The following CLEC16A variants were observed in gnomAD, a reference collection of about 807,000 sequenced individuals.
CLEC16A encodes the protein C-type lectin domain containing 16A, also known as protein CLEC16A.
Under a neutral mutation model 109.5 loss-of-function variants are expected in CLEC16A, and 51 were observed. The observed-to-expected ratio is 0.47, with a 90% CI of 0.37 to 0.59. The LOEUF (loss-of-function observed/expected upper bound fraction) is 0.59. Ranked by LOEUF, CLEC16A falls within the 20% of genes least tolerant of loss-of-function variation. The pLI is 0.00. For synonymous variants in CLEC16A, 673 were observed against 564.2 expected, an observed-to-expected ratio of 1.19 and a Z score of -2.73; for missense variants, 1,339 against 1,394.0, an observed-to-expected ratio of 0.96 and a Z score of 0.63.
At chr16:11,059,170 G>T (rs556773170) in intron 18 of CLEC16A, among the ~76,000 whole-genome samples, 1 of 152,258 alleles carries the variant, frequency 6.6e-6, no homozygotes, top group East Asian at 1.9e-4. Context: ...ACAATAAGGT[G>T]CCCACAGTTC....
chr16:11,106,405 C>T (rs920868535), intron 19 of CLEC16A, among the ~76,000 whole-genome samples: 10 of 151,348 alleles, frequency 6.6e-5, no homozygotes, highest in South Asian at 2.1e-4. Context: ...CTTCCCACTT[C>T]GGCCTCCGAA....
intron 16 of CLEC16A, among the ~76,000 whole-genome samples, chr16:11,045,839 G>C (rs554738771): frequency 6.6e-6 from 1 of 152,152 alleles, no homozygotes; most frequent in Non-Finnish European, 1.5e-5. Flanking sequence ...TGCAGGAATC[G>C]TTTTAAGCGA....
intron 20 of CLEC16A, among the ~76,000 whole-genome samples, chr16:11,122,311 A>C (rs1280970525): frequency 6.6e-6 from 1 of 152,220 alleles, no homozygotes; most frequent in Non-Finnish European, 1.5e-5. Context: ...TTTCATTTAA[A>C]AGAAACACTC....
intron 11 of CLEC16A, 54 bp downstream of exon 11, chr16:11,003,359 G>A (rs543078748): frequency 3.5e-5 from 52 of 1,478,146 alleles, no homozygotes; most frequent in African/African-American, 5.6e-5. Context: ...CAGCCCGCCA[G>A]CGAGGCTGCC....
chr16:10,977,422 C>G, intron 8 of CLEC16A, 23 bp downstream of exon 8: 2 of 1,604,218 alleles, frequency 1.2e-6, no homozygotes, highest in South Asian at 2.2e-5. Context: ...CCGTGGCTCC[C>G]GCTGGCTGAA....
At chr16:11,014,624 T>G (rs1184734998) in intron 11 of CLEC16A, among the ~76,000 whole-genome samples, 1 of 152,208 alleles carries the variant, frequency 6.6e-6, no homozygotes, top group Non-Finnish European at 1.5e-5. Context: ...AACTATTGCT[T>G]CAGTCCCTTC....
chr16:10,981,219 G>A (rs958115583), intron 9 of CLEC16A, among the ~76,000 whole-genome samples: 5 of 152,182 alleles, frequency 3.3e-5, no homozygotes, highest in African/African-American at 7.2e-5. Context: ...AGTTAAGGCC[G>A]CATTCATTCA....
chr16:11,143,867 T>G (rs576238700), intron 22 of CLEC16A, among the ~76,000 whole-genome samples: 2 of 152,292 alleles, frequency 1.3e-5, no homozygotes, highest in Admixed American at 6.5e-5. Flanking sequence ...GCACAGCTAG[T>G]GCACAGCAAA....
At chr16:10,947,899 C>CT (rs895339936) in intron 1 of CLEC16A, among the ~76,000 whole-genome samples, 74 of 142,196 alleles carry the variant, frequency 5.2e-4, no homozygotes, top group African/African-American at 8.7e-4. Flanking sequence ...AAACCCTCTT[C>CT]TTTTTTTTTT....
At chr16:10,978,483 G>T (rs1439638438) in intron 8 of CLEC16A, among the ~76,000 whole-genome samples, 1 of 152,186 alleles carries the variant, frequency 6.6e-6, no homozygotes, top group Non-Finnish European at 1.5e-5. Context: ...TGTTGGCCGG[G>T]CTGGTCTCAA....
At chr16:11,162,878 A>G (rs558369009) in intron 22 of CLEC16A, among the ~76,000 whole-genome samples, 2 of 152,094 alleles carry the variant, frequency 1.3e-5, no homozygotes, top group Middle Eastern at 3.4e-3. Flanking sequence ...GCAGCATGGG[A>G]TGCTGCAGGT....
At chr16:11,144,910 G>T (rs1402599265) in intron 22 of CLEC16A, among the ~76,000 whole-genome samples, 2 of 152,140 alleles carry the variant, frequency 1.3e-5, no homozygotes, top group African/African-American at 2.4e-5. Context: ...GTTCTGGATG[G>T]CCCTGCCCTC....
rs199538608 is a variant in CLEC16A, at chr16:11,051,510, T to C, written c.1867-3T>C. 6.2e-7 allele frequency: 1 copy of C among 1,613,034 alleles called. No individual in the cohort carries two copies. Among genetic ancestry groups the C allele is most frequent in the South Asian group, 1.1e-5 (1 of 91,074 alleles). On this transcript the variant is annotated splice_region_variant and splice_polypyrimidine_tract_variant and intron_variant, in intron 17 of 23. Transcript: ENST00000409790. Reference sequence around the variant, plus strand: ...TTGAGGTTTCCTGTAATGTCTCTTCTAGATGAAGCCCATGAACGTGGAATA... The same window carrying C: ...TTGAGGTTTCCTGTAATGTCTCTTCCAGATGAAGCCCATGAACGTGGAATA...
At position 10,954,227 on chromosome 16, in the gene CLEC16A, G is replaced by A. The variant is rs574789297; in HGVS notation, c.81-3555G>A. Among the ~76,000 whole-genome samples, 26 of 152,292 alleles carry A rather than the reference G, an allele frequency of 1.7e-4. No individual in the cohort carries two copies. The highest frequency in any genetic ancestry group is 5.3e-4 in the African/African-American group (22 of 41,544). On this transcript the variant is annotated intron_variant, in intron 1 of 23. Coordinates refer to ENST00000409790, the MANE Select transcript of CLEC16A (RefSeq NM_015226.3). This position sits in a 1 kb window ranked among gnomAD's most constrained non-coding sequence, Gnocchi z 4.2. ...CAGGTCTGTGGGCGAGCTACTGAAC[G>A]TCGCCAAACCTCACTTGCTGTCTTG... is the stretch of plus-strand genomic sequence containing the variant.
chr16:11,105,635 C>T (rs1015357963), intron 19 of CLEC16A, among the ~76,000 whole-genome samples: 4 of 152,234 alleles, frequency 2.6e-5, no homozygotes, highest in African/African-American at 9.6e-5. Flanking sequence ...CCTTTGGAAG[C>T]AGACAGAGCT....
chr16:11,178,231 C>G lies in CLEC16A; in HGVS notation c.2807-104C>G. ...GCCCTCACGCCAGCCAGCCACCTCC[C>G]ACCTAGCTCACCAGGGCCGCGGTTC... On this transcript the variant is annotated intron_variant, in intron 23 of 23. Transcript: ENST00000409790. This position sits in a 1 kb window ranked among gnomAD's most constrained non-coding sequence, Gnocchi z 6.5. 9.8e-7 allele frequency: 1 copy of G among 1,018,696 alleles called. No homozygotes were observed. The highest frequency in any genetic ancestry group is 2.4e-5 in the East Asian group (1 of 41,376). The allele number at this position is 1,018,696 out of a possible 1,614,324, so 63.1% of individuals were successfully genotyped here. A position where few individuals can be genotyped will look rare whatever the true frequency, so the allele number is the denominator to read the frequency against.
At chr16:11,002,912 T>G (rs1365945966) in intron 10 of CLEC16A, among the ~76,000 whole-genome samples, 162 bp from the exon 11 acceptor site, 3 of 152,056 alleles carry the variant, frequency 2.0e-5, no homozygotes, top group Non-Finnish European at 4.4e-5. Flanking sequence ...TCTTTGCTAT[T>G]GTGAATAGTC....
intron 10 of CLEC16A, among the ~76,000 whole-genome samples, chr16:11,001,604 T>G (rs2044672539): frequency 6.6e-6 from 1 of 152,158 alleles, no homozygotes; most frequent in South Asian, 2.1e-4. Context: ...TTCCTATATA[T>G]TATGGTTGTT....
intron 22 of CLEC16A, among the ~76,000 whole-genome samples, chr16:11,151,991 A>AC (rs987643524): frequency 3.0e-4 from 45 of 152,292 alleles, no homozygotes; most frequent in African/African-American, 9.9e-4. Context: ...CTCTCAGAGA[A>AC]CCAGGGGGTT....
Sources: gnomAD v4.1 joint callset for allele counts (sites outside exome capture counted in the v4.1 genomes callset) on GRCh38, gnomAD v4.1.1 for gene constraint, Gnocchi (gnomAD v3.1) non-coding constraint, MANE v1.5 for transcripts, NCBI Gene and HGNC (gene_info 2026-07-23, HGNC 2026-07-21) for gene names.